Variants in KRT72 observed in about 807,000 individuals in gnomAD.
KRT72 encodes keratin 72, also known as keratin, type II cytoskeletal 72.
Under a neutral mutation model 44.7 loss-of-function variants are expected in KRT72, and 44 were observed. The observed-to-expected ratio is 0.98, with a 90% confidence interval of 0.77 to 1.27. KRT72 has a LOEUF of 1.27. Ranked by LOEUF, KRT72 falls within the 50% of genes most tolerant of loss-of-function variation. The pLI is 0.00. For missense variants in KRT72, 736 were observed against 667.1 expected, an observed-to-expected ratio of 1.10 and a Z score of -1.14; for synonymous variants, 302 against 280.4, an observed-to-expected ratio of 1.08 and a Z score of -0.77.
intron 6 of KRT72, among the ~76,000 whole-genome samples, chr12:52,588,379 G>A (rs755347629): frequency 6.6e-6 from 1 of 152,220 alleles, no homozygotes; most frequent in Non-Finnish European, 1.5e-5. Flanking sequence ...AGGCTTAGAA[G>A]ATACCTTTAC....
chr12:52,592,066 C>T (rs1219994576), intron 4 of KRT72, among the ~76,000 whole-genome samples: 2 of 152,194 alleles, frequency 1.3e-5, no homozygotes, highest in East Asian at 1.9e-4. Context: ...CCACTGAAAT[C>T]GTCCTCTTTC....
rs760318003 is a variant in KRT72 at position 52,585,806 on chromosome 12, G to T, written c.*176C>A. The T allele has an allele frequency of 3.1e-6, 2 of 638,116 alleles. No individual in the cohort carries two copies. The highest frequency in any genetic ancestry group is 2.7e-5 in the East Asian group (1 of 37,448). The allele number at this position is 638,116 out of a possible 1,614,324, so 39.5% of individuals were successfully genotyped here. On this transcript the variant is annotated 3_prime_UTR_variant, in exon 9 of 9. Coordinates refer to ENST00000293745, the MANE Select transcript of KRT72 (RefSeq NM_080747.3). ...GAAGGAGGCCACTGAGAGAGCTCCT[G>T]ACTGGACTCCTTGCATCGAAGCATC...
chr12:52,596,728 T>G (rs1462810732), intron 2 of KRT72, among the ~76,000 whole-genome samples: 1 of 152,086 alleles, frequency 6.6e-6, no homozygotes, highest in Non-Finnish European at 1.5e-5. Context: ...TTTTTTATAT[T>G]TTTTGTAGAG....
intron 2 of KRT72, among the ~76,000 whole-genome samples, chr12:52,595,460 G>C (rs1435689090): frequency 6.6e-6 from 1 of 152,022 alleles, no homozygotes; most frequent in Non-Finnish European, 1.5e-5. Context: ...AGTCCCTAAA[G>C]TACAAATTCT....
Position 52,601,024 on chromosome 12 carries a change from C to T in KRT72, c.426+3G>A, listed in dbSNP as rs1334563481. The T allele has an allele frequency of 1.2e-6, 2 of 1,611,572 alleles. No homozygotes were observed. The stretch of plus-strand genomic sequence containing the variant: ...AGGGACAGGCCAATGCCCGAGGACT[C>T]ACCTTGTCGATGAAGGAGGCGAACT... On this transcript the variant is annotated splice_donor_region_variant and intron_variant, in intron 1 of 8. Transcript: ENST00000293745.
chr12:52,591,816 C>A (rs564060054), intron 4 of KRT72, among the ~76,000 whole-genome samples, 188 bp from the exon 5 acceptor site: 17 of 152,256 alleles, frequency 1.1e-4, no homozygotes, highest in Non-Finnish European at 2.5e-4. Context: ...CGCTGAGACT[C>A]CTCTCTCCAT....
chr12:52,599,208 G>T, intron 1 of KRT72, 96 bp from the exon 2 acceptor site: 1 of 1,168,292 alleles, frequency 8.6e-7, no homozygotes, highest in Non-Finnish European at 1.3e-6. Context: ...CCATCCTGGG[G>T]GACTGGGGGT....
rs150710240 is a variant in KRT72, at chr12:52,587,812, G to T, written c.1129C>A (p.Arg377=). 2 of 1,614,164 alleles carry T rather than the reference G, an allele frequency of 1.2e-6. No individual in the cohort carries two copies. Among genetic ancestry groups the T allele is most frequent in the South Asian group, 2.2e-5 (2 of 91,070 alleles). Residue 377 remains arginine, a synonymous_variant, in exon 7 of 9, where the codon CGG becomes AGG. Coordinates refer to ENST00000293745, the MANE Select transcript of KRT72 (RefSeq NM_080747.3). The stretch of plus-strand genomic sequence containing the variant: ...GCATCTTTCAGGGCGCAGTCCCCCC[G>T]CTGTTCAGCGTCGGCGATGGCCGTC... ...LETAIADAEQ[R]GDCALKDARA... is the part of the protein sequence containing the mutation.
In KRT72 at chr12:52,591,528, C is replaced by A. The variant is rs149642871; in HGVS notation, c.899G>T (p.Arg300Leu). 6.2e-7 allele frequency: 1 copy of A among 1,613,974 alleles called. No individual in the cohort carries two copies. The highest frequency in any genetic ancestry group is 1.3e-5 in the African/African-American group (1 of 74,918). The change falls in exon 5 of 9, where the codon CGT (arginine) becomes CTT (leucine). Residue 300 changes from arginine to leucine, a missense_variant. Transcript: ENST00000293745. ...TAGGGCAATCTCCTCGTACTGGGCA[C>A]GGACCTCGGCAATGATGCTGTCCAG... Reference protein sequence around the residue: ...LDLDSIIAEVRAQYEEIALKS... With the variant: ...LDLDSIIAEVLAQYEEIALKS...
chr12:52,592,865 T>C (rs1237213052), intron 3 of KRT72, 27 bp downstream of exon 3: 1 of 1,609,664 alleles, frequency 6.2e-7, no homozygotes, highest in Non-Finnish European at 8.5e-7. Context: ...TCTAGGCTTC[T>C]TCCAGCCCAC....
At chr12:52,587,878 A>G in intron 6 of KRT72, 27 bp from the exon 7 acceptor site, 1 of 1,604,122 alleles carries the variant, frequency 6.2e-7, no homozygotes, top group Non-Finnish European at 8.5e-7. Flanking sequence ...TCCAGCACTT[A>G]AGAGTCAGAG....
chr12:52,601,150 G>A lies in KRT72; in HGVS notation c.303C>T (p.Thr101=), dbSNP rs1466589562. The part of the protein sequence containing the change: ...VCPPGGIPQV[T]VNKSLLAPLN... ...GCGGGGCCAGGAGGCTCTTGTTGAC[G>A]GTGACCTGAGGGATGCCCCCGGGTG... Residue 101 remains threonine, a synonymous_variant, in exon 1 of 9, where the codon ACC becomes ACT. Coordinates refer to ENST00000293745, the MANE Select transcript of KRT72 (RefSeq NM_080747.3). The A allele has an allele frequency of 3.1e-6, 5 of 1,613,462 alleles. No homozygotes were observed. Among genetic ancestry groups the A allele is most frequent in the African/African-American group, 1.3e-5 (1 of 74,862 alleles).
intron 6 of KRT72, among the ~76,000 whole-genome samples, 186 bp downstream of exon 6, chr12:52,590,650 C>T (rs1404081957): frequency 1.3e-5 from 2 of 152,224 alleles, no homozygotes; most frequent in African/African-American, 4.8e-5. Flanking sequence ...CCCCTCTGGG[C>T]TCCTGTAACA....
At position 52,590,848 on chromosome 12, in the gene KRT72, A is replaced by T. The variant is rs1184889248; in HGVS notation, c.1077T>A (p.Asn359Lys). The T allele has an allele frequency of 6.3e-7, 1 of 1,576,406 alleles. No individual in the cohort carries two copies. The highest frequency in any genetic ancestry group is 1.2e-5 in the South Asian group (1 of 86,112). The change falls in exon 6 of 9, where the codon AAT (asparagine) becomes AAA (lysine). Residue 359 changes from asparagine to lysine, a missense_variant. Coordinates refer to ENST00000293745, the MANE Select transcript of KRT72 (RefSeq NM_080747.3). ...LIQRIRSEIG[N>K]VKKQCADLET... ...TCATAGAACCCACCTGCTTCTTCAC[A>T]TTCCCTATCTCTGAGCGGATCCTCT...
chr12:52,601,082 T>A lies in KRT72; in HGVS notation c.371A>T (p.Gln124Leu), dbSNP rs571801812. The change falls in exon 1 of 9, where the codon CAG (glutamine) becomes CTG (leucine). Residue 124 changes from glutamine (Q) to leucine (L), a missense_variant. Transcript: ENST00000293745. ...TAGCGCCTTGATCTGCTCCCGCTCC[T>A]GGGCGCGCACCCTCTGGATCTCGGG... Reference protein sequence around the residue: ...MDPEIQRVRAQEREQIKALNN... With the variant: ...MDPEIQRVRALEREQIKALNN... The A allele has an allele frequency of 1.6e-4, 263 of 1,611,962 alleles. 1 individual carries two copies. The South Asian group carries it at 2.7e-3, about 16-fold the overall frequency.
Position 52,587,806 on chromosome 12 carries a change from C to G in KRT72, c.1135G>C (p.Asp379His), listed in dbSNP as rs141162784. Reference protein sequence around the residue: ...TAIADAEQRGDCALKDARAKL... With the variant: ...TAIADAEQRGHCALKDARAKL... ...GCCCGGGCATCTTTCAGGGCGCAGT[C>G]CCCCCGCTGTTCAGCGTCGGCGATG... The change falls in exon 7 of 9, where the codon GAC becomes CAC. Residue 379 changes from aspartate (D) to histidine (H), a missense_variant. Asp to His is a moderately conservative substitution (Grantham distance 81). Transcript: ENST00000293745. 28 of 1,614,080 alleles carry G rather than the reference C, an allele frequency of 1.7e-5. No homozygotes were observed. The East Asian group carries it at 5.6e-4, about 32-fold the overall frequency.
chr12:52,597,795 T>C (rs1005417571), intron 2 of KRT72, among the ~76,000 whole-genome samples: 1 of 152,198 alleles, frequency 6.6e-6, no homozygotes, highest in Non-Finnish European at 1.5e-5. Context: ...AATAGCTCTT[T>C]TAGGTAGCAA....
Position 52,587,715 on chromosome 12 carries a change from T to C in KRT72, c.1226A>G (p.Glu409Gly), listed in dbSNP as rs1939830161. The change falls in exon 7 of 9, where the codon GAG (glutamate) becomes GGG (glycine). Residue 409 changes from glutamate (E) to glycine (G), a missense_variant. Coordinates refer to ENST00000293745, the MANE Select transcript of KRT72 (RefSeq NM_080747.3). Reference sequence around the variant, plus strand: ...CTTCAGGCTCACGAGCTCCTGGTACTCACGCAGCATCCGTGCCAGCTCCTC... The same window carrying C: ...CTTCAGGCTCACGAGCTCCTGGTACCCACGCAGCATCCGTGCCAGCTCCTC... ...AKEELARMLR[E>G]YQELVSLKLA... 1 of 1,614,172 alleles carries C rather than the reference T, an allele frequency of 6.2e-7. No individual in the cohort carries two copies. The highest frequency in any genetic ancestry group is 1.3e-5 in the African/African-American group (1 of 75,056).
intron 2 of KRT72, among the ~76,000 whole-genome samples, chr12:52,593,788 A>G (rs1940139686): frequency 6.6e-6 from 1 of 152,232 alleles, no homozygotes; most frequent in Non-Finnish European, 1.5e-5. Context: ...TCCAAAAGAC[A>G]AATGATCTCA....
Sources: gnomAD v4.1 joint callset for allele counts (sites outside exome capture counted in the v4.1 genomes callset) on GRCh38, gnomAD v4.1.1 for gene constraint, MANE v1.5 for transcripts, NCBI Gene and HGNC (gene_info 2026-07-23, HGNC 2026-07-21) for gene names.